The following ALK variants were observed in gnomAD, a reference collection of about 807,000 sequenced individuals.
ALK encodes the protein ALK tyrosine kinase receptor.
ALK carries 74 observed loss-of-function variants against 163.1 expected under a neutral mutation model. That is an observed-to-expected ratio of 0.45 (90% CI 0.38 to 0.55). ALK has a LOEUF of 0.55. Among genes scored for constraint, ALK ranks in the 20% least tolerant of loss-of-function variants. The pLI is 0.00. For missense variants in ALK, 2,063 were observed against 2,105.3 expected, an observed-to-expected ratio of 0.98 and a Z score of 0.39; for synonymous variants, 960 against 843.2, an observed-to-expected ratio of 1.14 and a Z score of -2.40.
intron 11 of ALK, among the ~76,000 whole-genome samples, chr2:29,266,206 T>G (rs888080032): frequency 6.6e-6 from 1 of 152,228 alleles, no homozygotes; most frequent in African/African-American, 2.4e-5. Context: ...ACAAATCATT[T>G]ATTTCCCCCA....
At chr2:29,728,490 A>C (rs1679637059) in intron 1 of ALK, among the ~76,000 whole-genome samples, 1 of 152,258 alleles carries the variant, frequency 6.6e-6, no homozygotes, top group Non-Finnish European at 1.5e-5. Context: ...GCAGACAGCC[A>C]TCCAACAACC....
chr2:29,721,201 C>G (rs1679410708), intron 1 of ALK, among the ~76,000 whole-genome samples: 1 of 152,214 alleles, frequency 6.6e-6, no homozygotes, highest in Non-Finnish European at 1.5e-5. Flanking sequence ...AAGCTCTTGA[C>G]ACTCTGAATT....
At chr2:29,760,285 G>A (rs1680663996) in intron 1 of ALK, among the ~76,000 whole-genome samples, 1 of 152,076 alleles carries the variant, frequency 6.6e-6, no homozygotes, top group Non-Finnish European at 1.5e-5. Flanking sequence ...GAGTGGGTGG[G>A]ACTTCTGGTG....
intron 4 of ALK, among the ~76,000 whole-genome samples, chr2:29,400,597 T>C (rs888840024): frequency 2.0e-5 from 3 of 152,194 alleles, no homozygotes; most frequent in Non-Finnish European, 2.9e-5. Context: ...ATCCTAGATT[T>C]TCTTTGTTGC....
intron 1 of ALK, among the ~76,000 whole-genome samples, chr2:29,919,642 T>G (rs537676967): frequency 9.2e-5 from 14 of 152,226 alleles, no homozygotes; most frequent in African/African-American, 3.4e-4. Context: ...ACTACTAAGC[T>G]TGGAACCTGG....
intron 23 of ALK, among the ~76,000 whole-genome samples, chr2:29,215,502 G>A (rs1669578874): frequency 6.6e-6 from 1 of 152,158 alleles, no homozygotes; most frequent in South Asian, 2.1e-4. Flanking sequence ...GGGAAGAGAA[G>A]GTGATCTCCA....
chr2:29,379,358 C>T (rs952117560), intron 5 of ALK, among the ~76,000 whole-genome samples: 21 of 152,312 alleles, frequency 1.4e-4, no homozygotes, highest in African/African-American at 4.8e-4. Flanking sequence ...GAAGGTGCAG[C>T]ATTTATCAAT....
In ALK at chr2:29,383,806, G is replaced by T. The variant is rs1060500211; in HGVS notation, c.1208C>A (p.Ala403Asp). ...GTTTCCACTGGAGATGTATTCCAGG[G>T]CCACTCGAAATGGGTTGTCTGGACG... ...IGRPDNPFRV[A>D]LEYISSGNRS... The change falls in exon 5 of 29, where the codon GCC (alanine) becomes GAC (aspartate). Residue 403 changes from alanine to aspartate, a missense_variant. Ala to Asp is a moderately radical substitution (Grantham distance 126, BLOSUM62 -2). Transcript: ENST00000389048. 2 of 1,614,142 alleles carry T rather than the reference G, an allele frequency of 1.2e-6. No individual in the cohort carries two copies. The highest frequency in any genetic ancestry group is 1.7e-6 in the Non-Finnish European group (2 of 1,179,998).
At chr2:29,449,490 T>C (rs547111025) in intron 4 of ALK, among the ~76,000 whole-genome samples, 11 of 152,334 alleles carry the variant, frequency 7.2e-5, no homozygotes, top group Admixed American at 3.9e-4. Context: ...TCTGCCCAGC[T>C]GCTGTGTTGG....
intron 5 of ALK, among the ~76,000 whole-genome samples, chr2:29,335,491 A>C (rs541522120): frequency 6.6e-6 from 1 of 152,306 alleles, no homozygotes; most frequent in South Asian, 2.1e-4. Context: ...ATTTTTAGAC[A>C]ACAAAGAACT....
chr2:29,897,978 G>A (rs1442188494), intron 1 of ALK, among the ~76,000 whole-genome samples: 1 of 152,200 alleles, frequency 6.6e-6, no homozygotes, highest in Non-Finnish European at 1.5e-5. Flanking sequence ...ATATCCAAAG[G>A]CAAAATTATG....
intron 1 of ALK, among the ~76,000 whole-genome samples, chr2:29,761,237 T>C (rs556612347): frequency 3.9e-5 from 6 of 152,316 alleles, no homozygotes; most frequent in African/African-American, 1.4e-4. Context: ...GTTCCATTTA[T>C]AAATTTGGGA....
chr2:29,623,398 T>G (rs984254343), intron 3 of ALK, among the ~76,000 whole-genome samples: 13 of 152,182 alleles, frequency 8.5e-5, no homozygotes, highest in Admixed American at 3.3e-4. Flanking sequence ...GTGTCAAATG[T>G]GGAAAAGAAT....
intron 3 of ALK, among the ~76,000 whole-genome samples, chr2:29,626,005 T>C (rs762617765): frequency 1.3e-5 from 2 of 152,176 alleles, no homozygotes; most frequent in African/African-American, 2.4e-5. Context: ...AGATAGATGA[T>C]GGTATTTTCA....
intron 9 of ALK, among the ~76,000 whole-genome samples, chr2:29,289,652 G>A (rs901725370): frequency 1.3e-5 from 2 of 152,144 alleles, no homozygotes; most frequent in Admixed American, 6.5e-5. Context: ...CTCCCCTCGC[G>A]AGAGGCAGGT....
intron 1 of ALK, among the ~76,000 whole-genome samples, chr2:29,798,287 C>T (rs2068882): frequency 0.035 from 5,383 of 152,298 alleles, 318 homozygotes; most frequent in African/African-American, 0.12. Context: ...ATCACCAGCT[C>T]CTTTCCATTT....
In ALK at chr2:29,444,862, C is replaced by T. The variant is rs139499005; in HGVS notation, c.1155-61003G>A. On this transcript the variant is annotated intron_variant, in intron 4 of 28. Coordinates refer to ENST00000389048, the MANE Select transcript of ALK (RefSeq NM_004304.5). ...TAGGGCTGCTGGTTATAGTAGCTGA[C>T]TCCTTGGTCCTGCCCATGCCTGTCC... Among the ~76,000 whole-genome samples, 1,056 of 152,284 alleles carry T rather than the reference C, an allele frequency of 6.9e-3. 20 individuals are homozygous for T. The highest frequency in any genetic ancestry group is 0.025 in the African/African-American group (1,020 of 41,540).
chr2:29,457,646 T>C (rs1490168428), intron 4 of ALK, among the ~76,000 whole-genome samples: 2 of 152,136 alleles, frequency 1.3e-5, no homozygotes, highest in Non-Finnish European at 2.9e-5. Flanking sequence ...ATCAGGGAGC[T>C]TGGGTTCAGA....
chr2:29,676,169 G>A (rs544411376), intron 3 of ALK, among the ~76,000 whole-genome samples: 1 of 151,852 alleles, frequency 6.6e-6, no homozygotes, highest in Non-Finnish European at 1.5e-5. Flanking sequence ...TTTTCCTAAT[G>A]GTGTCTTTTA....
Sources: gnomAD v4.1 joint callset for allele counts (sites outside exome capture counted in the v4.1 genomes callset) on GRCh38, gnomAD v4.1.1 for gene constraint, MANE v1.5 for transcripts, NCBI Gene and HGNC (gene_info 2026-07-23, HGNC 2026-07-21) for gene names.